ST8SIA6: variants seen among roughly 807,000 people sequenced by gnomAD.
The protein encoded by ST8SIA6 is ST8 alpha-N-acetyl-neuraminide alpha-2,8-sialyltransferase 6, also known as alpha-2,8-sialyltransferase 8F.
Under a neutral mutation model 33.6 loss-of-function variants are expected in ST8SIA6, and 39 were observed. The ratio of observed to expected loss-of-function variants is 1.16; its 90% CI spans 0.90 to 1.52. The LOEUF (loss-of-function observed/expected upper bound fraction) is 1.52, where lower values mean the gene tolerates loss of function less well. Ranked by LOEUF, ST8SIA6 falls within the 40% of genes most tolerant of loss-of-function variation. ST8SIA6 has a pLI of 0.00. For synonymous variants in ST8SIA6, 172 were observed against 167.2 expected (o/e 1.03, Z -0.22); for missense variants, 441 against 443.8 (o/e 0.99, Z 0.06).
In ST8SIA6 at chr10:17,332,056, T is replaced by G. The variant is rs558938777; in HGVS notation, c.378-504A>C. 4.6e-5 allele frequency among the ~76,000 whole-genome samples: 7 copies of G among 152,350 alleles called. No homozygotes were observed. In the South Asian group the frequency reaches 8.3e-4, roughly 18 times the overall value. ...AACATGTGGTGTGTTTGGTTTTCTG[T>G]TCCTGTGTCAGTTTGATGAAGATGA... On this transcript the variant is annotated intron_variant, in intron 4 of 7. Coordinates refer to ENST00000377602, the MANE Select transcript of ST8SIA6 (RefSeq NM_001004470.3).
chr10:17,406,245 G>A (rs1851253296), intron 2 of ST8SIA6, among the ~76,000 whole-genome samples: 1 of 152,112 alleles, frequency 6.6e-6, no homozygotes, highest in South Asian at 2.1e-4. Flanking sequence ...CCCCTATTTT[G>A]CACCTAAAGC....
intron 4 of ST8SIA6, among the ~76,000 whole-genome samples, chr10:17,351,419 T>A (rs543416684): frequency 1.6e-3 from 235 of 148,998 alleles, no homozygotes; most frequent in Non-Finnish European, 2.7e-3. Flanking sequence ...TAAAAAAAAA[T>A]TTTAGTACTG....
chr10:17,424,060 C>A (rs1178512086), intron 2 of ST8SIA6, among the ~76,000 whole-genome samples: 2 of 152,108 alleles, frequency 1.3e-5, no homozygotes, highest in East Asian at 3.8e-4. Context: ...CCACCTGATG[C>A]CTTAACTGCC....
chr10:17,378,936 C>T lies in ST8SIA6; in HGVS notation c.290+11595G>A, dbSNP rs368384717. Among the ~76,000 whole-genome samples, 370 of 152,164 alleles carry T rather than the reference C, an allele frequency of 2.4e-3. 12 individuals are homozygous for T. The South Asian group carries it at 0.068, about 28-fold the overall frequency. On this transcript the variant is annotated intron_variant, in intron 3 of 7. Coordinates refer to ENST00000377602, the MANE Select transcript of ST8SIA6 (RefSeq NM_001004470.3). ...GGTCAGGAGATCAAGACCATCCTGG[C>T]TAACATGGTGAAACCCCGTTACTAC...
chr10:17,319,509 A>G lies in ST8SIA6; in HGVS notation c.*1369T>C, dbSNP rs1174184848. 1.3e-5 allele frequency among the ~76,000 whole-genome samples: 2 copies of G among 152,182 alleles called. No individual in the cohort carries two copies. The highest frequency in any genetic ancestry group is 4.8e-5 in the African/African-American group (2 of 41,458). On this transcript the variant is annotated 3_prime_UTR_variant, in exon 8 of 8. Transcript: ENST00000377602. ...AAATGTCTACAATTTTCTCCACAAA[A>G]GAAAACCCGCAAACATTCTTTTTCT...
At chr10:17,397,804 C>G (rs1238139342) in intron 2 of ST8SIA6, among the ~76,000 whole-genome samples, 2 of 152,020 alleles carry the variant, frequency 1.3e-5, no homozygotes, top group African/African-American at 2.4e-5. Context: ...TTCATCACTT[C>G]AGTATGTTGC....
At chr10:17,439,161 T>C (rs1190731346) in intron 2 of ST8SIA6, among the ~76,000 whole-genome samples, 2 of 152,242 alleles carry the variant, frequency 1.3e-5, no homozygotes, top group Non-Finnish European at 2.9e-5. Context: ...TTCTTCCTCT[T>C]CCAGCTTTTC....
At chr10:17,353,624 G>T (rs1365414689) in intron 4 of ST8SIA6, among the ~76,000 whole-genome samples, 1 of 152,100 alleles carries the variant, frequency 6.6e-6, no homozygotes, top group Non-Finnish European at 1.5e-5. Flanking sequence ...CAAACCTGAG[G>T]GGATAATACA....
chr10:17,372,347 A>G (rs1198255723), intron 3 of ST8SIA6, among the ~76,000 whole-genome samples: 2 of 152,224 alleles, frequency 1.3e-5, no homozygotes, highest in African/African-American at 4.8e-5. Flanking sequence ...TATAAAATCA[A>G]AATCCAATGC....
chr10:17,410,932 G>C lies in ST8SIA6; in HGVS notation c.201-20312C>G, dbSNP rs562161066. Among the ~76,000 whole-genome samples, 11 of 152,260 alleles carry C rather than the reference G, an allele frequency of 7.2e-5. No homozygotes were observed. The South Asian group carries it at 1.0e-3, about 14-fold the overall frequency. ...AGAGAATTGGCTAACCAAATTTACT[G>C]TGCTTAGGTAAACTGTAATTAGGAA... On this transcript the variant is annotated intron_variant, in intron 2 of 7. Transcript: ENST00000377602.
chr10:17,320,933 T>G lies in ST8SIA6; in HGVS notation c.1142A>C (p.Gln381Pro). The part of the protein sequence containing the change: ...QMPKEYSQIL[Q>P]LHMKGILKLQ... The stretch of plus-strand genomic sequence containing the variant: ...TTTGAGGATTCCTTTCATGTGAAGT[T>G]GGAGGATCTGGCTGTATTCTTTGGG... Residue 381 changes from glutamine (Q) to proline (P), a missense_variant, in exon 8 of 8, where the codon CAA becomes CCA. Coordinates refer to ENST00000377602, the MANE Select transcript of ST8SIA6 (RefSeq NM_001004470.3). The G allele has an allele frequency of 6.2e-7, 1 of 1,614,118 alleles. No individual in the cohort carries two copies. Among genetic ancestry groups the G allele is most frequent in the Non-Finnish European group, 8.5e-7 (1 of 1,179,960 alleles).
Position 17,454,014 on chromosome 10 carries a change from C to T in ST8SIA6, c.101+141G>A, listed in dbSNP as rs1588943660. 2 of 266,816 alleles carry T rather than the reference C, an allele frequency of 7.5e-6. No individual in the cohort carries two copies. Among genetic ancestry groups the T allele is most frequent in the East Asian group, 7.4e-5 (1 of 13,550 alleles). The allele number at this position is 266,816 out of a possible 1,614,324, so 16.5% of individuals were successfully genotyped here. On this transcript the variant is annotated intron_variant, in intron 1 of 7. Transcript: ENST00000377602. The surrounding 1 kb of genome is among the most constrained non-coding windows in gnomAD (Gnocchi z 4.1). ...GCGACCCCCTCCCCCACTCCACTCTCAGGCCGTCGCCGCCCGTGGGCTGCT... is the reference window on the plus strand; with the variant it reads ...GCGACCCCCTCCCCCACTCCACTCTTAGGCCGTCGCCGCCCGTGGGCTGCT...
intron 2 of ST8SIA6, among the ~76,000 whole-genome samples, chr10:17,425,063 C>T (rs1366348249): frequency 6.6e-6 from 1 of 152,122 alleles, no homozygotes; most frequent in Non-Finnish European, 1.5e-5. Flanking sequence ...AAAAAAATTG[C>T]TTCATCTTAC....
intron 2 of ST8SIA6, among the ~76,000 whole-genome samples, chr10:17,441,302 A>ATATT (rs1175088506): frequency 9.8e-5 from 8 of 81,336 alleles, no homozygotes; most frequent in African/African-American, 7.6e-4. Context: ...CATCTAAATT[A>ATATT]TCTTTATTTA....
At chr10:17,453,467 T>G in intron 2 of ST8SIA6, 92 bp downstream of exon 2, 1 of 995,168 alleles carries the variant, frequency 1.0e-6, no homozygotes. Flanking sequence ...CCAGCCTGCC[T>G]ACTCCCAACG....
intron 3 of ST8SIA6, among the ~76,000 whole-genome samples, chr10:17,385,033 T>TA (rs1850283461): frequency 6.6e-6 from 1 of 152,158 alleles, no homozygotes; most frequent in South Asian, 2.1e-4. Context: ...TGTTTTTTTG[T>TA]AAAATCATTT....
intron 4 of ST8SIA6, among the ~76,000 whole-genome samples, chr10:17,335,933 T>C (rs1848485062): frequency 6.6e-6 from 1 of 151,034 alleles, no homozygotes; most frequent in African/African-American, 2.5e-5. Context: ...CTTATGCTTT[T>C]TAAAACATTA....
At chr10:17,408,451 G>C (rs536970918) in intron 2 of ST8SIA6, among the ~76,000 whole-genome samples, 84 of 152,150 alleles carry the variant, frequency 5.5e-4, no homozygotes, top group Admixed American at 2.1e-3. Context: ...GATCACTTGA[G>C]GTCAGGAGTT....
chr10:17,371,471 T>C (rs1849729603), intron 3 of ST8SIA6, among the ~76,000 whole-genome samples: 1 of 151,914 alleles, frequency 6.6e-6, no homozygotes, highest in Admixed American at 6.6e-5. Flanking sequence ...TAAGGAGACG[T>C]GAGAAGGAAT....
Sources: gnomAD v4.1 joint callset for allele counts (sites outside exome capture counted in the v4.1 genomes callset) on GRCh38, gnomAD v4.1.1 for gene constraint, Gnocchi (gnomAD v3.1) non-coding constraint, MANE v1.5 for transcripts, NCBI Gene and HGNC (gene_info 2026-07-23, HGNC 2026-07-21) for gene names.